CD163L1: variants seen among roughly 807,000 people sequenced by gnomAD.
The protein encoded by CD163L1 is scavenger receptor cysteine-rich type 1 protein M160.
A neutral mutation model predicts 165.4 loss-of-function variants in CD163L1; 124 were observed. The ratio of observed to expected loss-of-function variants is 0.75; its 90% CI spans 0.65 to 0.87. The LOEUF (loss-of-function observed/expected upper bound fraction) is 0.87, where lower values mean the gene tolerates loss of function less well. Ranked by LOEUF, CD163L1 falls within the 40% of genes least tolerant of loss-of-function variation. CD163L1 has a pLI of 0.00. For synonymous variants in CD163L1, 585 were observed against 662.2 expected, an observed-to-expected ratio of 0.88 and a Z score of 1.79; for missense variants, 1,525 against 1,799.9, an observed-to-expected ratio of 0.85 and a Z score of 2.76.
chr12:7,323,996 G>T, the CD163L1 span, among the ~76,000 whole-genome samples: 2 of 152,098 alleles, frequency 1.3e-5, no homozygotes, highest in Non-Finnish European at 2.9e-5. Flanking sequence ...GGGCAACATA[G>T]TGAGAACCCA....
chr12:7,386,118 A>G (rs1947510034), intron 8 of CD163L1, among the ~76,000 whole-genome samples: 1 of 152,062 alleles, frequency 6.6e-6, no homozygotes, highest in African/African-American at 2.4e-5. Context: ...AATAAAAATC[A>G]CAAACAAAAA....
At chr12:7,426,454 A>AAAAT (rs766528016) in intron 4 of CD163L1, among the ~76,000 whole-genome samples, 46 of 152,132 alleles carry the variant, frequency 3.0e-4, no homozygotes, top group African/African-American at 8.7e-4. Flanking sequence ...ACTTAAAGTA[A>AAAAT]AAATAAATAA....
rs746174274 is a variant in CD163L1, at chr12:7,443,987, G to C, written c.31+110C>G. 47 of 1,050,328 alleles carry C rather than the reference G, an allele frequency of 4.5e-5. No individual in the cohort carries two copies. The African/African-American group carries it at 7.5e-4, about 17-fold the overall frequency. 65.1% of individuals were successfully genotyped at this position (1,050,328 alleles called of 1,614,324 possible). On this transcript the variant is annotated intron_variant, in intron 1 of 19. Transcript: ENST00000313599. Reference sequence around the variant, plus strand: ...AATTTTTTTATATTTCTCATGTCCTGTTTTCTTTTTACCTTACTACATAAT... The same window carrying C: ...AATTTTTTTATATTTCTCATGTCCTCTTTTCTTTTTACCTTACTACATAAT...
intron 18 of CD163L1, among the ~76,000 whole-genome samples, chr12:7,361,609 G>A (rs772058848): frequency 3.9e-5 from 6 of 152,046 alleles, no homozygotes; most frequent in East Asian, 1.9e-4. Flanking sequence ...AAGATTCCCC[G>A]TATTCCCTGG....
intron 4 of CD163L1, among the ~76,000 whole-genome samples, chr12:7,431,168 A>C (rs1211540310): frequency 6.6e-6 from 1 of 152,098 alleles, no homozygotes; most frequent in Non-Finnish European, 1.5e-5. Context: ...CACGGCTGTA[A>C]TCCCTGCACT....
chr12:7,323,533 G>C, the CD163L1 span: 2 of 1,613,678 alleles, frequency 1.2e-6, no homozygotes, highest in East Asian at 2.2e-5. Context: ...AACCTACACG[G>C]CCCTTCTGTT....
At chr12:7,367,140 GAC>G (rs1207702853) in intron 18 of CD163L1, 94 bp downstream of exon 18, 1 of 640,206 alleles carries the variant, frequency 1.6e-6, no homozygotes, top group Non-Finnish European at 2.8e-6. Context: ...AAGAGGCTGA[GAC>G]ACATCTCCAT....
At chr12:7,329,174 G>GTA in the CD163L1 span, among the ~76,000 whole-genome samples, 4 of 147,358 alleles carry the variant, frequency 2.7e-5, no homozygotes, top group South Asian at 2.1e-4. Context: ...AAGTGTATAT[G>GTA]TATATATATA....
chr12:7,349,463 G>T (rs889973750), intron 4 of CD163L1, among the ~76,000 whole-genome samples: 1 of 152,148 alleles, frequency 6.6e-6, no homozygotes, highest in African/African-American at 2.4e-5. Context: ...TTTGAAAGAT[G>T]AAGTTAAATT....
At chr12:7,344,619 A>G (rs1946657393), downstream of CD163L1, among the ~76,000 whole-genome samples, 1 of 152,170 alleles carries the variant, frequency 6.6e-6, no homozygotes, top group African/African-American at 2.4e-5. Context: ...TCTGTGTGGG[A>G]CATCCAATCC....
chr12:7,428,288 T>C lies in CD163L1; in HGVS notation c.766+4128A>G, dbSNP rs754169083. Reference sequence around the variant, plus strand: ...GTCAATTGTACTGATAAAAAAAATTTTTTTAAGTCAATGGAATCTATTTAG... The same window carrying C: ...GTCAATTGTACTGATAAAAAAAATTCTTTTAAGTCAATGGAATCTATTTAG... On this transcript the variant is annotated intron_variant, in intron 4 of 19. Coordinates refer to ENST00000313599, the MANE Select transcript of CD163L1 (RefSeq NM_174941.6). Among the ~76,000 whole-genome samples, 28 of 152,222 alleles carry C rather than the reference T, an allele frequency of 1.8e-4. No individual in the cohort carries two copies. The East Asian group carries it at 5.2e-3, about 28-fold the overall frequency.
intron 18 of CD163L1, among the ~76,000 whole-genome samples, chr12:7,360,426 A>G (rs1283368265): frequency 1.3e-5 from 2 of 152,168 alleles, no homozygotes; most frequent in African/African-American, 2.4e-5. Flanking sequence ...TACAGGCATG[A>G]GCCACCACAC....
chr12:7,324,526 G>T, the CD163L1 span: 5 of 1,613,986 alleles, frequency 3.1e-6, no homozygotes, highest in Admixed American at 1.7e-5. Flanking sequence ...TTGAAGTGGA[G>T]AGTGCACTCA....
Position 7,418,288 on chromosome 12 carries a change from G to A in CD163L1, c.767-11436C>T, listed in dbSNP as rs865935831. On this transcript the variant is annotated intron_variant, in intron 4 of 19. Coordinates refer to ENST00000313599, the MANE Select transcript of CD163L1 (RefSeq NM_174941.6). ...CATAATCTGCTCCTGAATGAGCATTGGGTCAACAATGAAATCATGATGGAA... is the reference window on the plus strand; with the variant it reads ...CATAATCTGCTCCTGAATGAGCATTAGGTCAACAATGAAATCATGATGGAA... 5.3e-5 allele frequency among the ~76,000 whole-genome samples: 8 copies of A among 152,132 alleles called. No homozygotes were observed. The South Asian group carries it at 1.5e-3, about 28-fold the overall frequency.
chr12:7,399,311 T>TTC (rs1947854767), intron 6 of CD163L1, among the ~76,000 whole-genome samples: 1 of 150,792 alleles, frequency 6.6e-6, no homozygotes, highest in African/African-American at 2.4e-5. Context: ...CTTTCTTTCT[T>TTC]TTCTTTCTTC....
At chr12:7,322,511 G>A in the CD163L1 span, 20 of 1,613,862 alleles carry the variant, frequency 1.2e-5, no homozygotes, top group Non-Finnish European at 1.7e-5. Flanking sequence ...CTGGGCTGGA[G>A]CTATATGAGG....
chr12:7,403,847 C>T lies in CD163L1; in HGVS notation c.1096G>A (p.Asp366Asn). Residue 366 changes from aspartate to asparagine, a missense_variant, in exon 6 of 20, where the codon GAT becomes AAT. Transcript: ENST00000313599. The stretch of plus-strand genomic sequence containing the variant: ...CCATCTGCTAGTCGCAGTTCCAAAT[C>T]TGCTCCATCTAGGATGAAGTCACAG... ...DVSVICSDGA[D>N]LELRLADGSN... 6.2e-7 allele frequency: 1 copy of T among 1,612,916 alleles called. No homozygotes were observed.
the CD163L1 span, among the ~76,000 whole-genome samples, chr12:7,327,425 A>G: frequency 6.6e-6 from 1 of 152,164 alleles, no homozygotes; most frequent in Non-Finnish European, 1.5e-5. Flanking sequence ...TGATTCACCT[A>G]TCTCAGTACT....
chr12:7,434,019 A>T (rs955876521), intron 2 of CD163L1, among the ~76,000 whole-genome samples: 1 of 152,248 alleles, frequency 6.6e-6, no homozygotes, highest in Non-Finnish European at 1.5e-5. Flanking sequence ...AGAATGAAAG[A>T]AAGTCCCTTG....
Sources: allele counts gnomAD v4.1 joint callset (sites outside exome capture counted in the v4.1 genomes callset), GRCh38; gene constraint gnomAD v4.1.1; transcripts MANE v1.5; gene names NCBI Gene and HGNC (gene_info 2026-07-23, HGNC 2026-07-21).